Variants in RELL1 observed in about 807,000 individuals in gnomAD.
The protein encoded by RELL1 is RELT-like protein 1.
In RELL1, 10 loss-of-function variants were observed where a neutral mutation model predicts 23.0. The observed-to-expected ratio is 0.43, with a 90% CI of 0.27 to 0.74. The LOEUF (loss-of-function observed/expected upper bound fraction) is 0.74. RELL1 is among the 30% of genes least tolerant of loss of function. RELL1 has a pLI of 0.19. For missense variants in RELL1, 315 were observed against 364.4 expected (o/e 0.86, Z 1.10); for synonymous variants, 146 against 146.8 (o/e 0.99, Z 0.04).
In RELL1 at chr4:37,621,880, A is replaced by G. The variant is rs28566806; in HGVS notation, c.*4-8538T>C. Among the ~76,000 whole-genome samples, 1,122 of 152,342 alleles carry G rather than the reference A, an allele frequency of 7.4e-3. 13 individuals carry two copies. Among genetic ancestry groups the G allele is most frequent in the African/African-American group, 0.025 (1,050 of 41,572 alleles). On this transcript the variant is annotated intron_variant, in intron 6 of 6. Transcript: ENST00000454158. ...ATGTTGTCTAAACTCTGGGAATACT[A>G]ATAAATATGTTTTAGTATCTCCTGT...
intron 6 of RELL1, among the ~76,000 whole-genome samples, chr4:37,627,255 C>A (rs1278119043): frequency 6.6e-6 from 1 of 152,192 alleles, no homozygotes; most frequent in African/African-American, 2.4e-5. Context: ...GCGAATGGAA[C>A]AAAAGAGGGC....
intron 1 of RELL1, among the ~76,000 whole-genome samples, chr4:37,649,966 C>T (rs554735931): frequency 6.6e-6 from 1 of 152,354 alleles, no homozygotes; most frequent in Admixed American, 6.5e-5. Flanking sequence ...CCCAGCTCCA[C>T]CATTTAGCAG....
downstream of RELL1, among the ~76,000 whole-genome samples, chr4:37,589,204 A>G (rs969297552): frequency 2.0e-5 from 3 of 152,238 alleles, no homozygotes; most frequent in African/African-American, 4.8e-5. Flanking sequence ...CCCCAATCAC[A>G]TATGTGCTTT....
chr4:37,599,602 G>A (rs1718964225), intron 6 of RELL1, among the ~76,000 whole-genome samples: 1 of 152,160 alleles, frequency 6.6e-6, no homozygotes, highest in South Asian at 2.1e-4. Context: ...AGGATCTAGT[G>A]CTACTACAGG....
Position 37,619,652 on chromosome 4 carries a change from C to T in RELL1, c.*4-6310G>A, listed in dbSNP as rs76686878. Reference sequence around the variant, plus strand: ...GCATGATCCTGACTCACTACAGCCTCCAACTACTGAGCTCAAGAAATCCTT... The same window carrying T: ...GCATGATCCTGACTCACTACAGCCTTCAACTACTGAGCTCAAGAAATCCTT... On this transcript the variant is annotated intron_variant, in intron 6 of 6. Coordinates refer to ENST00000454158, the MANE Select transcript of RELL1 (RefSeq NM_001085400.2). Among the ~76,000 whole-genome samples the T allele has an allele frequency of 2.2e-3, 328 of 152,284 alleles. 3 individuals carry two copies. The East Asian group carries it at 0.036, about 17-fold the overall frequency.
chr4:37,609,708 TC>T (rs1196521708), downstream of RELL1, among the ~76,000 whole-genome samples: 1 of 152,170 alleles, frequency 6.6e-6, no homozygotes, highest in Non-Finnish European at 1.5e-5. Context: ...TTGGAGGGGT[TC>T]AAGACTTCAG....
Position 37,686,313 on chromosome 4 carries a change from C to A in RELL1, c.-26G>T, listed in dbSNP as rs1449166012. 4 of 1,471,094 alleles carry A rather than the reference C, an allele frequency of 2.7e-6. No homozygotes were observed. Among genetic ancestry groups the A allele is most frequent in the Non-Finnish European group, 3.6e-6 (4 of 1,113,786 alleles). 91.1% of individuals were successfully genotyped at this position (1,471,094 alleles called of 1,614,324 possible). On this transcript the variant is annotated 5_prime_UTR_variant, in exon 1 of 7. Coordinates refer to ENST00000454158, the MANE Select transcript of RELL1 (RefSeq NM_001085400.2). ...CGCCGCGTCGCTTCGCCCTCCTCCC[C>A]CAGGGCGCCGCGTCCCGCGCTCGGG...
At chr4:37,632,242 G>A (rs975197590) in intron 5 of RELL1, among the ~76,000 whole-genome samples, 3 of 150,120 alleles carry the variant, frequency 2.0e-5, no homozygotes, top group African/African-American at 7.3e-5. Flanking sequence ...TACAATCTCG[G>A]CTCACTGCAA....
In RELL1 at chr4:37,684,919, C is replaced by T. The variant is rs1051185477; in HGVS notation, c.88+1281G>A. ...AGTGAGCCGAGGTTGTGCCACTGCA[C>T]TCCAGTCTGGGTGACAAAATGAGCC... On this transcript the variant is annotated intron_variant, in intron 1 of 6. Coordinates refer to ENST00000454158, the MANE Select transcript of RELL1 (RefSeq NM_001085400.2). Among the ~76,000 whole-genome samples, 4 of 152,048 alleles carry T rather than the reference C, an allele frequency of 2.6e-5. 1 individual carries two copies. In the South Asian group the frequency reaches 8.3e-4, roughly 32 times the overall value.
chr4:37,629,736 C>T (rs951640520), intron 6 of RELL1, among the ~76,000 whole-genome samples: 1 of 152,194 alleles, frequency 6.6e-6, no homozygotes, highest in Non-Finnish European at 1.5e-5. Context: ...TTTAGGTGCA[C>T]AGAGTTGTTC....
At position 37,631,502 on chromosome 4, in the gene RELL1, C is replaced by T. The variant is rs199837659; in HGVS notation, c.702G>A (p.Glu234=). 8.7e-5 allele frequency: 140 copies of T among 1,613,992 alleles called. No homozygotes were observed. The Admixed American group carries it at 2.3e-3, about 27-fold the overall frequency. ...SVGRFRVTKV[E]HKSNQKERRS... ...TCCGTTCCTTCTGGTTTGACTTGTG[C>T]TCCACTTTTGTAACTCTAAATCTGA... The change falls in exon 6 of 7, where the codon GAG becomes GAA. Residue 234 remains glutamate, a synonymous_variant. Transcript: ENST00000454158.
intron 3 of RELL1, among the ~76,000 whole-genome samples, chr4:37,642,697 G>A (rs1014025767): frequency 1.3e-5 from 2 of 152,204 alleles, no homozygotes; most frequent in Admixed American, 6.5e-5. Context: ...CAGTCTCAGG[G>A]TGGGGCCAGT....
intron 6 of RELL1, among the ~76,000 whole-genome samples, chr4:37,621,017 C>T (rs772962784): frequency 5.9e-5 from 9 of 152,132 alleles, no homozygotes; most frequent in Non-Finnish European, 1.3e-4. Context: ...AAGTGACAGC[C>T]AAGATCTTGA....
At chr4:37,664,890 A>C (rs1721476453) in intron 1 of RELL1, among the ~76,000 whole-genome samples, 1 of 152,132 alleles carries the variant, frequency 6.6e-6, no homozygotes, top group South Asian at 2.1e-4. Context: ...CGCACCACTC[A>C]GACATACCAC....
chr4:37,676,916 C>T (rs938863233), intron 1 of RELL1, among the ~76,000 whole-genome samples: 1 of 152,118 alleles, frequency 6.6e-6, no homozygotes, highest in Admixed American at 6.5e-5. Flanking sequence ...CAATGGCGAA[C>T]AAGACATACA....
intron 1 of RELL1, among the ~76,000 whole-genome samples, chr4:37,682,073 G>A (rs1722246284): frequency 6.6e-6 from 1 of 152,116 alleles, no homozygotes; most frequent in South Asian, 2.1e-4. Context: ...CTTCTCTGAG[G>A]CTCAATTTCC....
chr4:37,587,340 T>G (rs74651474), downstream of RELL1, among the ~76,000 whole-genome samples: 5,875 of 152,250 alleles, frequency 0.039, 252 homozygotes, highest in East Asian at 0.15. Flanking sequence ...TAAGGTATTA[T>G]TTATAGGTTC....
intron 1 of RELL1, among the ~76,000 whole-genome samples, chr4:37,652,571 T>C (rs1403360767): frequency 6.6e-6 from 1 of 152,196 alleles, no homozygotes; most frequent in Non-Finnish European, 1.5e-5. Flanking sequence ...AGAATCACTG[T>C]CTGTTTCAAT....
intron 6 of RELL1, among the ~76,000 whole-genome samples, chr4:37,603,989 C>A (rs1719084871): frequency 6.6e-6 from 1 of 152,158 alleles, no homozygotes; most frequent in South Asian, 2.1e-4. Context: ...CGGCTACTTT[C>A]TTTTGTATTT....
Sources: gnomAD v4.1 joint callset for allele counts (sites outside exome capture counted in the v4.1 genomes callset) on GRCh38, gnomAD v4.1.1 for gene constraint, MANE v1.5 for transcripts, NCBI Gene and HGNC (gene_info 2026-07-23, HGNC 2026-07-21) for gene names.